CD300LG: variants seen among roughly 807,000 people sequenced by gnomAD.
CD300LG encodes CMRF35-like molecule 9.
A neutral mutation model predicts 31.5 loss-of-function variants in CD300LG; 29 were observed. The ratio of observed to expected loss-of-function variants is 0.92; its 90% CI spans 0.68 to 1.25. The LOEUF (loss-of-function observed/expected upper bound fraction) is 1.25. Among genes scored for constraint, CD300LG ranks in the 50% most tolerant of loss-of-function variants. The pLI is 0.00. For missense variants in CD300LG, 396 were observed against 417.6 expected (o/e 0.95, Z 0.45); for synonymous variants, 175 against 177.2 (o/e 0.99, Z 0.10).
chr17:43,857,566 C>A, intron 6 of CD300LG: 1 of 1,326,078 alleles, frequency 7.5e-7, no homozygotes, highest in Non-Finnish European at 1.0e-6. Context: ...GCCCAGGGGT[C>A]AGGGAGCTGT....
chr17:43,857,389 G>A, intron 6 of CD300LG: 1 of 1,534,696 alleles, frequency 6.5e-7, no homozygotes, highest in South Asian at 1.2e-5. Flanking sequence ...TTTCCCGCCA[G>A]GTGCCAGGCA....
chr17:43,853,849 G>T lies in CD300LG; in HGVS notation c.524G>T (p.Gly175Val). Residue 175 changes from glycine to valine, a missense_variant, in exon 4 of 7, where the codon GGG (glycine) becomes GTG (valine). Physicochemically the swap from Gly to Val is moderately radical, Grantham distance 109. Transcript: ENST00000317310. ...CCGGCAGCCACCACAGCCAAGCAGG[G>T]GAAGACAGGGGCTGAGGCCCCTCCA... is the stretch of plus-strand genomic sequence containing the variant. ...LYPAATTAKQ[G>V]KTGAEAPPLP... 1.9e-6 allele frequency: 3 copies of T among 1,614,084 alleles called. No homozygotes were observed. The highest frequency in any genetic ancestry group is 2.5e-6 in the Non-Finnish European group (3 of 1,179,986).
intron 5 of CD300LG, 115 bp downstream of exon 5, chr17:43,855,434 C>T: frequency 1.7e-6 from 1 of 572,982 alleles, no homozygotes. Flanking sequence ...GCGTGTCTGT[C>T]TGAGATATGA....
At chr17:43,852,153 G>T (rs1213235418) in intron 2 of CD300LG, among the ~76,000 whole-genome samples, 3 of 152,058 alleles carry the variant, frequency 2.0e-5, no homozygotes, top group African/African-American at 7.2e-5. Context: ...AACAGAGAAA[G>T]AGGCGAAGCT....
intron 6 of CD300LG, among the ~76,000 whole-genome samples, chr17:43,860,043 T>C (rs1644610354): frequency 6.6e-6 from 1 of 152,156 alleles, no homozygotes; most frequent in Admixed American, 6.5e-5. Context: ...GGCTTCATCT[T>C]AGCATTTCTA....
At chr17:43,849,813 C>T (rs1032943098) in intron 2 of CD300LG, 17 of 152,198 alleles carry the variant, frequency 1.1e-4, no homozygotes, top group African/African-American at 4.1e-4. Context: ...ATCCCAATCC[C>T]AGGCCCATCC....
chr17:43,855,396 C>G, intron 5 of CD300LG, 77 bp downstream of exon 5: 1 of 835,648 alleles, frequency 1.2e-6, no homozygotes, highest in South Asian at 2.0e-5. Context: ...GCTCCCCATC[C>G]AGCCCTGGAA....
intron 6 of CD300LG, among the ~76,000 whole-genome samples, chr17:43,860,237 G>A (rs1030929277): frequency 6.6e-6 from 1 of 152,162 alleles, no homozygotes; most frequent in Admixed American, 6.5e-5. Flanking sequence ...TCTCCAGTAT[G>A]AGTCCCAGCT....
Position 43,847,196 on chromosome 17 carries a change from C to T in CD300LG, c.-21C>T. On this transcript the variant is annotated 5_prime_UTR_variant, in exon 1 of 7. Coordinates refer to ENST00000317310, the MANE Select transcript of CD300LG (RefSeq NM_145273.4). ...AGCTCACAGTTCCCAGCGTCTGCTC[C>T]CACGGTGTCCAGCGCCCAGAATGCG... 1 of 1,613,500 alleles carries T rather than the reference C, an allele frequency of 6.2e-7. No homozygotes were observed. Among genetic ancestry groups the T allele is most frequent in the African/African-American group, 1.3e-5 (1 of 75,048 alleles).
chr17:43,849,124 C>T (rs1014208969), intron 2 of CD300LG: 4 of 597,618 alleles, frequency 6.7e-6, no homozygotes, highest in African/African-American at 1.9e-5. Context: ...AGAGCAGGAC[C>T]GGACCCAGAT....
At position 43,850,337 on chromosome 17, in the gene CD300LG, C is replaced by T. The variant is rs146030851; in HGVS notation, c.379+1444C>T. ...AACAGTGAGCTCTTGTGAGTCAGTG[C>T]GAGCCATCTCCAGCACACCATTGAG... On this transcript the variant is annotated intron_variant, in intron 2 of 6. Transcript: ENST00000317310. Among the ~76,000 whole-genome samples the T allele has an allele frequency of 6.2e-4, 94 of 152,234 alleles. 2 individuals are homozygous for T. In the East Asian group the frequency reaches 0.016, roughly 26 times the overall value.
intron 6 of CD300LG, among the ~76,000 whole-genome samples, chr17:43,859,081 G>C (rs1439379289): frequency 6.6e-6 from 1 of 152,206 alleles, no homozygotes; most frequent in Non-Finnish European, 1.5e-5. Context: ...GAAAGAGGCA[G>C]AACTGGGGAG....
intron 2 of CD300LG, among the ~76,000 whole-genome samples, chr17:43,852,669 G>A (rs1475116624): frequency 1.3e-5 from 2 of 152,234 alleles, no homozygotes; most frequent in Non-Finnish European, 2.9e-5. Context: ...GGGTGGCAGG[G>A]AAGAAGCAGG....
rs926315225 is a variant in CD300LG, at chr17:43,858,157, G to T, written c.885+1001G>T. On this transcript the variant is annotated intron_variant, in intron 6 of 6. Transcript: ENST00000317310. ...GCGCCAGTGAGGACAAAAGACTCAG[G>T]CCTGGTCACCCCAAGGAGGGTCTGG... is the stretch of plus-strand genomic sequence containing the variant. 3.9e-6 allele frequency: 5 copies of T among 1,267,908 alleles called. No individual in the cohort carries two copies. In the African/African-American group the frequency reaches 7.6e-5, roughly 19 times the overall value. The allele number at this position is 1,267,908 out of a possible 1,614,324, so 78.5% of individuals were successfully genotyped here.
chr17:43,850,996 A>G (rs958070302), intron 2 of CD300LG, among the ~76,000 whole-genome samples: 9 of 152,008 alleles, frequency 5.9e-5, no homozygotes, highest in Admixed American at 2.0e-4. Flanking sequence ...TTAGCCGGGC[A>G]TAGTGGCAGG....
chr17:43,847,901 T>A (rs1390363782), intron 1 of CD300LG, among the ~76,000 whole-genome samples: 1 of 152,108 alleles, frequency 6.6e-6, no homozygotes, highest in Non-Finnish European at 1.5e-5. Flanking sequence ...CAGTGAGCCA[T>A]GAGCACCATT....
chr17:43,851,133 CAAA>C (rs777282117), intron 2 of CD300LG, among the ~76,000 whole-genome samples: 11 of 40,616 alleles, frequency 2.7e-4, no homozygotes, highest in African/African-American at 7.4e-4. Flanking sequence ...GACTCAGTCT[CAAA>C]AAAAAAAAAA....
Position 43,857,304 on chromosome 17 carries a change from G to A in CD300LG, c.885+148G>A, listed in dbSNP as rs549004923. 2.1e-6 allele frequency: 3 copies of A among 1,449,898 alleles called. No homozygotes were observed. The African/African-American group carries it at 4.2e-5, about 20-fold the overall frequency. The allele number at this position is 1,449,898 out of a possible 1,614,324, so 89.8% of individuals were successfully genotyped here. A position where few individuals can be genotyped will look rare whatever the true frequency, so the allele number is the denominator to read the frequency against. ...TGCTCCCCACCTTGGAGGAATGTGT[G>A]TGAGCCCCAAGATCAGCCCTTCAGG... On this transcript the variant is annotated intron_variant, in intron 6 of 6. Coordinates refer to ENST00000317310, the MANE Select transcript of CD300LG (RefSeq NM_145273.4).
At chr17:43,850,452 T>TATTC (rs147005101) in intron 2 of CD300LG, among the ~76,000 whole-genome samples, 9,693 of 151,406 alleles carry the variant, frequency 0.064, 928 homozygotes, top group African/African-American at 0.21. Flanking sequence ...TATTTATTTT[T>TATTC]ATTCATTCAT....
Sources: gnomAD v4.1 joint callset for allele counts (sites outside exome capture counted in the v4.1 genomes callset) on GRCh38, gnomAD v4.1.1 for gene constraint, MANE v1.5 for transcripts, NCBI Gene and HGNC (gene_info 2026-07-23, HGNC 2026-07-21) for gene names.